The following AATK variants were observed in gnomAD, a reference collection of about 807,000 sequenced individuals.
AATK encodes serine/threonine-protein kinase LMTK1.
In AATK, 91 loss-of-function variants were observed where a neutral mutation model predicts 114.3. That is an observed-to-expected ratio of 0.80 (90% CI 0.67 to 0.95). The LOEUF is 0.95. Ranked by LOEUF, AATK falls within the 40% of genes least tolerant of loss-of-function variation. The pLI is 0.00. For synonymous variants in AATK, 1,075 were observed against 916.5 expected (o/e 1.17, Z -3.12); for missense variants, 2,176 against 1,965.2 (o/e 1.11, Z -2.03).
intron 3 of AATK, chr17:81,129,009 C>T (rs762787935): frequency 5.3e-5 from 39 of 730,656 alleles, no homozygotes; most frequent in Non-Finnish European, 6.4e-5. Flanking sequence ...CTGCTTGGCA[C>T]GGCCCCGCAC....
At chr17:81,158,874 C>T (rs564877300) in intron 1 of AATK, among the ~76,000 whole-genome samples, 1 of 152,294 alleles carries the variant, frequency 6.6e-6, no homozygotes, top group African/African-American at 2.4e-5. Flanking sequence ...AATGGCACCA[C>T]CTCCTGGAAG....
intron 1 of AATK, among the ~76,000 whole-genome samples, chr17:81,158,059 C>T (rs1037790819): frequency 3.3e-5 from 5 of 152,236 alleles, no homozygotes; most frequent in African/African-American, 7.2e-5. Context: ...AAGGAGGAAA[C>T]GGGCAGGTCC....
chr17:81,131,782 C>T, intron 2 of AATK: 2 of 1,237,250 alleles, frequency 1.6e-6, no homozygotes, highest in South Asian at 2.7e-5. Flanking sequence ...TCCATCACCC[C>T]CTGCCCCACA....
At chr17:81,144,402 C>G (rs1392135544) in intron 1 of AATK, among the ~76,000 whole-genome samples, 1 of 152,220 alleles carries the variant, frequency 6.6e-6, no homozygotes, top group Non-Finnish European at 1.5e-5. Context: ...TAGCCAGGAC[C>G]CTGGGGAGAG....
At chr17:81,133,523 C>A (rs1394307630) in intron 2 of AATK, among the ~76,000 whole-genome samples, 1 of 152,210 alleles carries the variant, frequency 6.6e-6, no homozygotes, top group Non-Finnish European at 1.5e-5. Flanking sequence ...AGGAATCTGA[C>A]CTCTGGCCCA....
Position 81,126,376 on chromosome 17 carries a change from G to C in AATK, c.755+51C>G, listed in dbSNP as rs1280860958. On this transcript the variant is annotated intron_variant, in intron 7 of 13. Coordinates refer to ENST00000326724, the MANE Select transcript of AATK (RefSeq NM_001080395.3). This position sits in a 1 kb window ranked among gnomAD's most constrained non-coding sequence, Gnocchi z 5.1. Reference sequence around the variant, plus strand: ...ACCCGCCCTATGCCCTTCCTTCAGGGGAGGGGCCTGGCCTAGGGCTTCCCG... The same window carrying C: ...ACCCGCCCTATGCCCTTCCTTCAGGCGAGGGGCCTGGCCTAGGGCTTCCCG... 3 of 1,521,860 alleles carry C rather than the reference G, an allele frequency of 2.0e-6. No homozygotes were observed. In the South Asian group the frequency reaches 3.6e-5, roughly 18 times the overall value. The allele number at this position is 1,521,860 out of a possible 1,614,324, so 94.3% of individuals were successfully genotyped here.
intron 13 of AATK, among the ~76,000 whole-genome samples, chr17:81,118,914 G>A (rs75565280): frequency 0.049 from 7,449 of 152,308 alleles, 218 homozygotes; most frequent in African/African-American, 0.064. Context: ...GGGACACCTG[G>A]CAGAGATGAG....
At position 81,123,348 on chromosome 17, in the gene AATK, G is replaced by A. The variant is rs2060725996; in HGVS notation, c.963-5C>T. On this transcript the variant is annotated splice_region_variant and splice_polypyrimidine_tract_variant and intron_variant, in intron 9 of 13. Coordinates refer to ENST00000326724, the MANE Select transcript of AATK (RefSeq NM_001080395.3). ...CAGATGGTCACGCCCAGGGACCTGT[G>A]GGGCGACAGCCGTGAGCCAGGGCTG... 2.9e-6 allele frequency: 4 copies of A among 1,364,720 alleles called. No individual in the cohort carries two copies. The highest frequency in any genetic ancestry group is 2.8e-6 in the Non-Finnish European group (3 of 1,058,572). The allele number at this position is 1,364,720 out of a possible 1,614,324, so 84.5% of individuals were successfully genotyped here.
chr17:81,138,339 AC>A (rs1308008534), intron 1 of AATK, among the ~76,000 whole-genome samples: 1 of 146,588 alleles, frequency 6.8e-6, no homozygotes, highest in African/African-American at 2.6e-5. Context: ...ACACATGCAC[AC>A]CCACACATAC....
At chr17:81,157,407 C>G (rs1041497376) in intron 1 of AATK, among the ~76,000 whole-genome samples, 1 of 152,220 alleles carries the variant, frequency 6.6e-6, no homozygotes, top group Non-Finnish European at 1.5e-5. Context: ...ATGCCTGCCG[C>G]ACACGCTGGC....
intron 11 of AATK, 29 bp downstream of exon 11, chr17:81,120,172 C>CG: frequency 6.5e-7 from 1 of 1,543,502 alleles, no homozygotes; most frequent in Middle Eastern, 1.8e-4. Context: ...CCCCCAGCCC[C>CG]GGGCAGACCC....
rs375423081 is a variant in AATK, at chr17:81,151,606, C to T, written c.55+14332G>A. Reference sequence around the variant, plus strand: ...AGGCTGTGTCCAAAGGACACCCTGACCCCAAGAGCTGGAACTGCCCTGGGA... The same window carrying T: ...AGGCTGTGTCCAAAGGACACCCTGATCCCAAGAGCTGGAACTGCCCTGGGA... On this transcript the variant is annotated intron_variant, in intron 1 of 13. Transcript: ENST00000326724. Among the ~76,000 whole-genome samples, 15 of 152,234 alleles carry T rather than the reference C, an allele frequency of 9.9e-5. No individual in the cohort carries two copies. In the East Asian group the frequency reaches 2.9e-3, roughly 29 times the overall value.
chr17:81,139,630 C>T (rs770227949), intron 1 of AATK, among the ~76,000 whole-genome samples: 3 of 151,384 alleles, frequency 2.0e-5, no homozygotes, highest in East Asian at 3.9e-4. Context: ...CTGGTCCTCC[C>T]GCAGGCCTTA....
In AATK at chr17:81,134,500, G is replaced by A. The variant is rs779692509; in HGVS notation, c.57C>T (p.Asp19=). Residue 19 remains aspartate (D), a splice_region_variant and synonymous_variant, in exon 2 of 14, where the codon GAC becomes GAT. Transcript: ENST00000326724. ...AGGACAGCTCGCTGAGCGGGGCGCC[G>A]TCTGCGGGAGAGCAGTGTGGTGAGA... is the stretch of plus-strand genomic sequence containing the variant. ...SFAFSSHFDP[D]GAPLSELSWP... The A allele has an allele frequency of 8.1e-6, 13 of 1,610,804 alleles. No individual in the cohort carries two copies. Among genetic ancestry groups the A allele is most frequent in the Middle Eastern group, 1.6e-4 (1 of 6,072 alleles).
In AATK at chr17:81,122,412, G is replaced by C. The variant is rs1196562402; in HGVS notation, c.1524C>G (p.Pro508=). ...RTARLQELCA[P]DGAPPGVVPV... Reference sequence around the variant, plus strand: ...GAACCACGCCCGGGGGCGCGCCGTCGGGGGCGCACAGCTCCTGCAGGCGTG... The same window carrying C: ...GAACCACGCCCGGGGGCGCGCCGTCCGGGGCGCACAGCTCCTGCAGGCGTG... Residue 508 remains proline (P), a synonymous_variant, in exon 11 of 14, where the codon CCC becomes CCG. Transcript: ENST00000326724. 2.7e-6 allele frequency: 4 copies of C among 1,461,660 alleles called. No homozygotes were observed. The highest frequency in any genetic ancestry group is 3.6e-6 in the Non-Finnish European group (4 of 1,110,418). The allele number at this position is 1,461,660 out of a possible 1,614,324, so 90.5% of individuals were successfully genotyped here.
In AATK at chr17:81,122,459, T is replaced by TCCGCGC; in HGVS notation, c.1476_1477insGCGCGG (p.Ala492_Thr493insAlaArg). ...CGTGCGGTGCGGCCAGGGCTCAGCGTGGCCGGGAAGGCCTCCGCGCCGCGG... is the reference window on the plus strand; with the variant it reads ...CGTGCGGTGCGGCCAGGGCTCAGCGTCCGCGCGGCCGGGAAGGCCTCCGCGCCGCGG... On this transcript the variant is annotated inframe_insertion, in exon 11 of 14. Transcript: ENST00000326724. The TCCGCGC allele has an allele frequency of 6.9e-7, 1 of 1,452,970 alleles. No individual in the cohort carries two copies. The allele number at this position is 1,452,970 out of a possible 1,614,324, so 90.0% of individuals were successfully genotyped here. A position where few individuals can be genotyped will look rare whatever the true frequency, so the allele number is the denominator to read the frequency against.
At chr17:81,123,103 C>T (rs997753507) in intron 10 of AATK, 91 bp downstream of exon 10, 28 of 1,326,988 alleles carry the variant, frequency 2.1e-5, no homozygotes, top group Non-Finnish European at 2.6e-5. Flanking sequence ...AGGGCTGGAA[C>T]GCCAGGGGGT....
intron 1 of AATK, among the ~76,000 whole-genome samples, chr17:81,138,471 A>G (rs1285436798): frequency 7.2e-6 from 1 of 139,174 alleles, no homozygotes; most frequent in East Asian, 2.3e-4. Context: ...ACACCCACCC[A>G]CATGCACACA....
chr17:81,123,411 C>G, intron 9 of AATK, 68 bp from the exon 10 acceptor site: 2 of 1,289,654 alleles, frequency 1.6e-6, no homozygotes, highest in Non-Finnish European at 2.0e-6. Flanking sequence ...GCAGGATCCC[C>G]GGGGCGCCGA....
Sources: allele counts gnomAD v4.1 joint callset (sites outside exome capture counted in the v4.1 genomes callset), GRCh38; gene constraint gnomAD v4.1.1; non-coding constraint Gnocchi (gnomAD v3.1); transcripts MANE v1.5; gene names NCBI Gene and HGNC (gene_info 2026-07-23, HGNC 2026-07-21).